Variants in DNM2 observed in about 807,000 individuals in gnomAD.
DNM2 encodes dynamin-2.
DNM2 carries 15 observed loss-of-function variants against 99.0 expected under a neutral mutation model. That is an observed-to-expected ratio of 0.15 (90% confidence interval 0.10 to 0.23). The LOEUF (loss-of-function observed/expected upper bound fraction) is 0.23, where lower values mean the gene tolerates loss of function less well. DNM2 is among the 10% of genes least tolerant of loss of function. DNM2 has a pLI of 1.00. For synonymous variants in DNM2, 525 were observed against 481.2 expected, an observed-to-expected ratio of 1.09 and a Z score of -1.19; for missense variants, 742 against 1,189.4, an observed-to-expected ratio of 0.62 and a Z score of 5.53.
intron 1 of DNM2, among the ~76,000 whole-genome samples, chr19:10,730,434 G>A (rs1293371762): frequency 6.6e-6 from 1 of 152,036 alleles, no homozygotes; most frequent in Non-Finnish European, 1.5e-5. Context: ...AGCCCACACT[G>A]TGCCATTGCA....
At chr19:10,774,588 G>T (rs572173619) in intron 3 of DNM2, among the ~76,000 whole-genome samples, 1 of 151,902 alleles carries the variant, frequency 6.6e-6, no homozygotes, top group Non-Finnish European at 1.5e-5. Flanking sequence ...CACCTCACCC[G>T]GCTAATTTTG....
chr19:10,808,729 G>A lies in DNM2; in HGVS notation c.1557+149G>A, dbSNP rs529814551. On this transcript the variant is annotated intron_variant, in intron 14 of 20. Coordinates refer to ENST00000389253, the MANE Select transcript of DNM2 (RefSeq NM_001005361.3). ...AACCTGGAAACCCCATGCCGCAGCCGGCGCTGGACTGCACGTTGCCCTGGG... is the reference window on the plus strand; with the variant it reads ...AACCTGGAAACCCCATGCCGCAGCCAGCGCTGGACTGCACGTTGCCCTGGG... The A allele has an allele frequency of 1.2e-4, 111 of 955,848 alleles. 1 individual carries two copies. The highest frequency in any genetic ancestry group is 6.8e-4 in the Middle Eastern group (3 of 4,392). 59.2% of individuals were successfully genotyped at this position (955,848 alleles called of 1,614,324 possible). A position where few individuals can be genotyped will look rare whatever the true frequency, so the allele number is the denominator to read the frequency against.
intron 1 of DNM2, among the ~76,000 whole-genome samples, chr19:10,754,488 T>C (rs937904025): frequency 6.6e-6 from 1 of 152,036 alleles, no homozygotes; most frequent in Non-Finnish European, 1.5e-5. Context: ...GCTGACCTCA[T>C]AATCTGCCCG....
chr19:10,746,219 C>T (rs563867554), intron 1 of DNM2, among the ~76,000 whole-genome samples: 1 of 152,286 alleles, frequency 6.6e-6, no homozygotes, highest in African/African-American at 2.4e-5. Context: ...CCTCGGCCTT[C>T]CAAAGTGCTG....
rs2073248283 is a variant in DNM2 at position 10,829,134 on chromosome 19, G to A, written c.2157G>A (p.Arg719=). The change falls in exon 19 of 21, where the codon CGG becomes CGA. Residue 719 remains arginine (R), a synonymous_variant. Coordinates refer to ENST00000389253, the MANE Select transcript of DNM2 (RefSeq NM_001005361.3). Reference sequence around the variant, plus strand: ...AGTCGGCTGACCAGGCACAGCGGCGGGACGACATGCTGCGCATGTACCATG... The same window carrying A: ...AGTCGGCTGACCAGGCACAGCGGCGAGACGACATGCTGCGCATGTACCATG... ...MEESADQAQR[R]DDMLRMYHAL... The A allele has an allele frequency of 6.2e-7, 1 of 1,613,930 alleles. No homozygotes were observed. Among genetic ancestry groups the A allele is most frequent in the Admixed American group, 1.7e-5 (1 of 60,028 alleles).
intron 1 of DNM2, 140 bp downstream of exon 1, chr19:10,718,543 C>T (rs890264732): frequency 3.6e-5 from 43 of 1,191,088 alleles, no homozygotes; most frequent in Admixed American, 8.9e-5. Context: ...GTCGGGGAGG[C>T]GGGCCCTGTG....
chr19:10,771,242 C>T (rs920481937), intron 2 of DNM2, among the ~76,000 whole-genome samples: 4 of 152,206 alleles, frequency 2.6e-5, no homozygotes, highest in South Asian at 2.1e-4. Context: ...AGCCACCTTC[C>T]GTGATGAACA....
chr19:10,757,953 A>AAAG (rs2070454599), intron 1 of DNM2, among the ~76,000 whole-genome samples: 1 of 151,830 alleles, frequency 6.6e-6, no homozygotes, highest in African/African-American at 2.4e-5. Flanking sequence ...CAAAAAAAAA[A>AAAG]AAAAAAAAAA....
chr19:10,731,641 G>A (rs756147463), intron 1 of DNM2, among the ~76,000 whole-genome samples: 2 of 152,028 alleles, frequency 1.3e-5, no homozygotes, highest in Non-Finnish European at 1.5e-5. Flanking sequence ...GGCGTGAGCC[G>A]CCGTGCCCGG....
rs1279869201 is a variant in DNM2, at chr19:10,746,717, C to CTTT, written c.162-13014_162-13012dup. ...TTACAGGTGTGAGCAACCGTGCCGG[C>CTTT]TTTTTTTTTGTTTTTTGTTTTTTTT... On this transcript the variant is annotated intron_variant, in intron 1 of 20. Coordinates refer to ENST00000389253, the MANE Select transcript of DNM2 (RefSeq NM_001005361.3). Among the ~76,000 whole-genome samples the CTTT allele has an allele frequency of 1.8e-3, 190 of 103,146 alleles. 10 individuals carry two copies. The highest frequency in any genetic ancestry group is 2.6e-3 in the Non-Finnish European group (143 of 54,340). 67.7% of individuals were successfully genotyped at this position (103,146 alleles called of 152,430 possible).
At chr19:10,771,872 T>C (rs988264144) in intron 2 of DNM2, among the ~76,000 whole-genome samples, 7 of 152,076 alleles carry the variant, frequency 4.6e-5, no homozygotes, top group African/African-American at 1.7e-4. Flanking sequence ...GGATTCATAA[T>C]ATGTCATGAC....
chr19:10,816,922 G>A lies in DNM2; in HGVS notation c.1672-3058G>A, dbSNP rs2072763038. On this transcript the variant is annotated intron_variant, in intron 15 of 20. Transcript: ENST00000389253. This position sits in a 1 kb window ranked among gnomAD's most constrained non-coding sequence, Gnocchi z 4.6. ...CCCTCCCGTGGAGCCCCACACTGGA[G>A]TCTGGAGCAGCAGTGGGAGAAGGGC... 6.6e-6 allele frequency among the ~76,000 whole-genome samples: 1 copy of A among 152,204 alleles called. No individual in the cohort carries two copies. The highest frequency in any genetic ancestry group is 1.5e-5 in the Non-Finnish European group (1 of 68,024).
chr19:10,830,004 A>C lies in DNM2; in HGVS notation c.2292-123A>C. On this transcript the variant is annotated intron_variant, in intron 19 of 20. Transcript: ENST00000389253. The surrounding 1 kb of genome is among the most constrained non-coding windows in gnomAD (Gnocchi z 4.8). The stretch of plus-strand genomic sequence containing the variant: ...CTGGCGCTCAGGTTGGGGTGGGAGG[A>C]TCCCACTGCGCCTGCGCTGTCCCCA... The C allele has an allele frequency of 7.1e-7, 1 of 1,415,928 alleles. No homozygotes were observed. Among genetic ancestry groups the C allele is most frequent in the Non-Finnish European group, 1.0e-6 (1 of 1,002,060 alleles). The allele number at this position is 1,415,928 out of a possible 1,614,324, so 87.7% of individuals were successfully genotyped here.
chr19:10,737,910 C>T (rs2069587563), intron 1 of DNM2, among the ~76,000 whole-genome samples: 1 of 152,170 alleles, frequency 6.6e-6, no homozygotes, highest in Non-Finnish European at 1.5e-5. Flanking sequence ...ATCGGGGCAC[C>T]CATCTCCCTC....
chr19:10,828,988 G>A (rs1197446632), intron 18 of DNM2, 48 bp from the exon 19 acceptor site: 1 of 1,573,248 alleles, frequency 6.4e-7, no homozygotes, highest in South Asian at 1.1e-5. Context: ...TGTGGGTTCT[G>A]GGTTGGGGTG....
At chr19:10,798,331 C>G in intron 10 of DNM2, 155 bp from the exon 11 acceptor site, 1 of 671,670 alleles carries the variant, frequency 1.5e-6, no homozygotes, top group East Asian at 2.7e-5. Flanking sequence ...TAGCTCCCAG[C>G]TGGACTCACT....
intron 1 of DNM2, among the ~76,000 whole-genome samples, chr19:10,746,740 T>TTG (rs1555700273): frequency 1.4e-5 from 2 of 144,984 alleles, no homozygotes; most frequent in Admixed American, 1.4e-4. Context: ...TTTTGTTTTT[T>TTG]TTTTTTTTGA....
At chr19:10,767,100 C>T (rs776622526) in intron 2 of DNM2, among the ~76,000 whole-genome samples, 8 of 152,034 alleles carry the variant, frequency 5.3e-5, no homozygotes, top group Non-Finnish European at 8.8e-5. Context: ...CCGGGACAGG[C>T]AGAGCCAGGG....
chr19:10,742,608 A>T (rs1329400453), intron 1 of DNM2, among the ~76,000 whole-genome samples: 1 of 152,146 alleles, frequency 6.6e-6, no homozygotes, highest in African/African-American at 2.4e-5. Context: ...CCCCATGAGG[A>T]AGCTGAGCCT....
Sources: allele counts gnomAD v4.1 joint callset (sites outside exome capture counted in the v4.1 genomes callset), GRCh38; gene constraint gnomAD v4.1.1; non-coding constraint Gnocchi (gnomAD v3.1); transcripts MANE v1.5; gene names NCBI Gene and HGNC (gene_info 2026-07-23, HGNC 2026-07-21).